Variants in UBE3C observed in about 807,000 individuals in gnomAD.
UBE3C encodes the protein ubiquitin-protein ligase E3C.
A neutral mutation model predicts 129.4 loss-of-function variants in UBE3C; 42 were observed. The ratio of observed to expected loss-of-function variants is 0.32; its 90% CI spans 0.25 to 0.42. The LOEUF (loss-of-function observed/expected upper bound fraction) is 0.42. UBE3C is among the 10% of genes least tolerant of loss of function. The pLI, the probability that UBE3C is intolerant of heterozygous loss-of-function variation, is 1.00. For synonymous variants in UBE3C, 510 were observed against 492.4 expected (o/e 1.04, Z -0.47); for missense variants, 1,049 against 1,319.1 (o/e 0.80, Z 3.17).
At chr7:157,198,827 C>A (rs1455330787) in intron 10 of UBE3C, among the ~76,000 whole-genome samples, 1 of 152,018 alleles carries the variant, frequency 6.6e-6, no homozygotes, top group Non-Finnish European at 1.5e-5. Context: ...AGCACCTGGC[C>A]CAGAAATTTA....
rs1809468101 is a variant in UBE3C at position 157,207,562 on chromosome 7, A to G, written c.1576+7A>G. The G allele has an allele frequency of 6.2e-7, 1 of 1,606,774 alleles. No homozygotes were observed. Among genetic ancestry groups the G allele is most frequent in the Non-Finnish European group, 8.5e-7 (1 of 1,178,268 alleles). The stretch of plus-strand genomic sequence containing the variant: ...TTCGGTGATCCCATAGAAGGTAAGG[A>G]TTTTGAGAAACCAGTTTGCTGCTGG... On this transcript the variant is annotated splice_region_variant and intron_variant, in intron 12 of 22. Coordinates refer to ENST00000348165, the MANE Select transcript of UBE3C (RefSeq NM_014671.3).
At chr7:157,258,176 G>A (rs1796804714) in intron 22 of UBE3C, among the ~76,000 whole-genome samples, 1 of 151,580 alleles carries the variant, frequency 6.6e-6, no homozygotes, top group African/African-American at 2.4e-5. Flanking sequence ...CCAACTCCTG[G>A]GCCCAAGAAA....
At chr7:157,198,435 T>C in intron 10 of UBE3C, 1 of 558,236 alleles carries the variant, frequency 1.8e-6, no homozygotes, top group East Asian at 3.5e-5. Flanking sequence ...GTTCTGCAAA[T>C]CCTGTGCGCT....
intron 6 of UBE3C, 123 bp from the exon 7 acceptor site, chr7:157,181,395 A>G (rs1331012277): frequency 5.0e-6 from 4 of 803,728 alleles, no homozygotes; most frequent in Non-Finnish European, 5.7e-6. Context: ...CCTTGCTAGC[A>G]TGTTAAAGAA....
intron 5 of UBE3C, among the ~76,000 whole-genome samples, chr7:157,175,862 G>A (rs1384525317): frequency 2.6e-5 from 4 of 152,074 alleles, no homozygotes; most frequent in Non-Finnish European, 5.9e-5. Flanking sequence ...TGTGAAGCAG[G>A]AGTTTGCAAA....
chr7:157,201,931 A>G, intron 11 of UBE3C, 124 bp downstream of exon 11: 1 of 753,046 alleles, frequency 1.3e-6, no homozygotes, highest in Non-Finnish European at 2.2e-6. Context: ...ATTAGAAGGT[A>G]AGTTCCAGAT....
chr7:157,174,763 A>C (rs1808470037), intron 4 of UBE3C, among the ~76,000 whole-genome samples, 156 bp from the exon 5 acceptor site: 1 of 152,182 alleles, frequency 6.6e-6, no homozygotes, highest in Non-Finnish European at 1.5e-5. Context: ...ACATACCTCT[A>C]AATAAAACCG....
chr7:157,248,894 C>T (rs568016103), intron 19 of UBE3C, among the ~76,000 whole-genome samples: 36 of 152,306 alleles, frequency 2.4e-4, no homozygotes, highest in Middle Eastern at 3.4e-3. Context: ...GGCCGTTCAG[C>T]AGCTTCCCGG....
intron 16 of UBE3C, 78 bp downstream of exon 16, chr7:157,223,429 C>G: frequency 1.6e-6 from 2 of 1,279,172 alleles, no homozygotes; most frequent in Non-Finnish European, 2.2e-6. Context: ...CCAGAGAAAT[C>G]TCTAAAGGTG....
intron 18 of UBE3C, among the ~76,000 whole-genome samples, chr7:157,235,305 G>A (rs1264940301): frequency 1.3e-5 from 2 of 152,224 alleles, no homozygotes; most frequent in Non-Finnish European, 2.9e-5. Context: ...AAAGGTGAGT[G>A]TTCTGCTAGA....
intron 18 of UBE3C, among the ~76,000 whole-genome samples, chr7:157,237,642 G>A (rs963705353): frequency 6.6e-5 from 10 of 152,078 alleles, no homozygotes; most frequent in African/African-American, 9.7e-5. Context: ...TTTTTTCTGG[G>A]CCATGTTAAT....
intron 17 of UBE3C, among the ~76,000 whole-genome samples, chr7:157,228,529 A>T (rs1795938207): frequency 6.6e-6 from 1 of 152,134 alleles, no homozygotes; most frequent in African/African-American, 2.4e-5. Context: ...GGTTACTTTT[A>T]TTTTATTTCA....
Position 157,186,838 on chromosome 7 carries a change from A to G in UBE3C, c.1148A>G (p.Asp383Gly). ...EEADKPSSPE[D>G]GRLSVSYITE... ...GGTTGTTCTGGTATGTTCTAGGAGG[A>G]TGGCAGACTGTCAGTATCATACATA... is the stretch of plus-strand genomic sequence containing the variant. Residue 383 changes from aspartate to glycine, a missense_variant, in exon 10 of 23, where the codon GAT (aspartate) becomes GGT (glycine). Asp to Gly is a moderately conservative substitution (Grantham distance 94, BLOSUM62 -1). This residue lies in a region of UBE3C where 489 missense variants were observed against 513.8 expected (regional missense o/e 0.95). Transcript: ENST00000348165. 1.2e-6 allele frequency: 2 copies of G among 1,614,146 alleles called. No individual in the cohort carries two copies. The highest frequency in any genetic ancestry group is 1.7e-6 in the Non-Finnish European group (2 of 1,180,026).
At chr7:157,160,969 TGA>T (rs1423436656) in intron 1 of UBE3C, among the ~76,000 whole-genome samples, 2 of 152,152 alleles carry the variant, frequency 1.3e-5, no homozygotes, top group East Asian at 3.8e-4. Context: ...ACTGTAATCA[TGA>T]GAGTATTGGA....
At chr7:157,259,313 T>A (rs1377294097) in intron 22 of UBE3C, among the ~76,000 whole-genome samples, 1 of 152,242 alleles carries the variant, frequency 6.6e-6, no homozygotes, top group Non-Finnish European at 1.5e-5. Flanking sequence ...ATTGGCGTGC[T>A]CTTTAGTTTC....
At chr7:157,139,615 C>T (rs1807373157) in intron 1 of UBE3C, among the ~76,000 whole-genome samples, 1 of 152,232 alleles carries the variant, frequency 6.6e-6, no homozygotes, top group East Asian at 1.9e-4. Context: ...GAGGCCGCGC[C>T]CGTGGGGGCC....
chr7:157,214,265 T>G (rs1014678676), intron 13 of UBE3C, among the ~76,000 whole-genome samples: 4 of 152,234 alleles, frequency 2.6e-5, no homozygotes, highest in Non-Finnish European at 5.9e-5. Flanking sequence ...TATAATAATT[T>G]AGTAGAAGAA....
chr7:157,234,946 C>T (rs1166896008), intron 18 of UBE3C, among the ~76,000 whole-genome samples: 2 of 152,174 alleles, frequency 1.3e-5, no homozygotes, highest in Non-Finnish European at 2.9e-5. Flanking sequence ...AATCCCAGCA[C>T]TTTGGGAGGC....
At chr7:157,245,685 G>T (rs138499835) in intron 18 of UBE3C, among the ~76,000 whole-genome samples, 1 of 152,132 alleles carries the variant, frequency 6.6e-6, no homozygotes, top group East Asian at 1.9e-4. Context: ...GGTTTACCTG[G>T]CAGAGGCCAG....
Sources: gnomAD v4.1 joint callset for allele counts (sites outside exome capture counted in the v4.1 genomes callset) on GRCh38, gnomAD v4.1.1 for gene constraint, gnomAD v4.1.1 regional missense constraint, MANE v1.5 for transcripts, NCBI Gene and HGNC (gene_info 2026-07-23, HGNC 2026-07-21) for gene names.